The following ORC5 variants were observed in gnomAD, a reference collection of about 807,000 sequenced individuals.
The protein encoded by ORC5 is origin recognition complex subunit 5.
Under a neutral mutation model 58.8 loss-of-function variants are expected in ORC5, and 39 were observed. That is an observed-to-expected ratio of 0.66 (90% confidence interval 0.51 to 0.87). ORC5 has a LOEUF of 0.87. ORC5 is among the 40% of genes least tolerant of loss of function. ORC5 has a pLI of 0.00. For synonymous variants in ORC5, 218 were observed against 177.6 expected, an observed-to-expected ratio of 1.23 and a Z score of -1.81; for missense variants, 493 against 506.3, an observed-to-expected ratio of 0.97 and a Z score of 0.25.
chr7:104,207,917 C>T lies in ORC5; in HGVS notation c.-13G>A. The T allele has an allele frequency of 6.2e-7, 1 of 1,613,756 alleles. No homozygotes were observed. The highest frequency in any genetic ancestry group is 1.3e-5 in the African/African-American group (1 of 75,042). ...CCAAGTGGGGCATTCTGGCAGGCACCACCGCAGAGGCCAGTGCAGCCAGCC... is the reference window on the plus strand; with the variant it reads ...CCAAGTGGGGCATTCTGGCAGGCACTACCGCAGAGGCCAGTGCAGCCAGCC... On this transcript the variant is annotated 5_prime_UTR_variant, in exon 1 of 14. Coordinates refer to ENST00000297431, the MANE Select transcript of ORC5 (RefSeq NM_002553.4).
intron 4 of ORC5, among the ~76,000 whole-genome samples, chr7:104,195,498 C>A (rs1218605751): frequency 6.6e-6 from 1 of 152,188 alleles, no homozygotes; most frequent in African/African-American, 2.4e-5. Context: ...ACCTCCTAGG[C>A]ATAAGTGATC....
chr7:104,204,240 G>T lies in ORC5; in HGVS notation c.73-6C>A. ...GGAAAGCTGAAATGATGTCTCTAAC[G>T]AGAGAAAAGACAAATATGAGGCTGC... is the stretch of plus-strand genomic sequence containing the variant. On this transcript the variant is annotated splice_region_variant and splice_polypyrimidine_tract_variant and intron_variant, in intron 1 of 13. Transcript: ENST00000297431. 6.6e-7 allele frequency: 1 copy of T among 1,517,180 alleles called. No homozygotes were observed. Among genetic ancestry groups the T allele is most frequent in the Non-Finnish European group, 9.1e-7 (1 of 1,100,812 alleles). 94.0% of individuals were successfully genotyped at this position (1,517,180 alleles called of 1,614,324 possible).
chr7:104,183,816 T>C, intron 8 of ORC5, 127 bp downstream of exon 8: 2 of 643,470 alleles, frequency 3.1e-6, no homozygotes, highest in South Asian at 2.2e-5. Flanking sequence ...TGCTTTCCCA[T>C]TGCAATGCCA....
intron 8 of ORC5, among the ~76,000 whole-genome samples, chr7:104,179,094 T>G (rs527413966): frequency 6.8e-6 from 1 of 147,186 alleles, no homozygotes; most frequent in Admixed American, 6.9e-5. Flanking sequence ...AAAAGAAGGT[T>G]AAAAAGAAAA....
At chr7:104,161,527 T>C (rs1036813591) in intron 11 of ORC5, among the ~76,000 whole-genome samples, 1 of 152,066 alleles carries the variant, frequency 6.6e-6, no homozygotes, top group Non-Finnish European at 1.5e-5. Flanking sequence ...CACACCGCAA[T>C]GTTTGGGTAT....
chr7:104,190,311 G>A (rs1267698727), intron 5 of ORC5, among the ~76,000 whole-genome samples: 36 of 151,970 alleles, frequency 2.4e-4, no homozygotes, highest in Non-Finnish European at 8.8e-5. Flanking sequence ...GAAGAAAAAG[G>A]GGATAGTACA....
chr7:104,152,774 TAA>T (rs1798866622), intron 12 of ORC5, among the ~76,000 whole-genome samples: 1 of 152,198 alleles, frequency 6.6e-6, no homozygotes, highest in Admixed American at 6.5e-5. Context: ...GAAGTAACAC[TAA>T]TCTTTGAGAA....
Position 104,138,708 on chromosome 7 carries a change from T to C in ORC5, c.1150-1815A>G, listed in dbSNP as rs562418230. Reference sequence around the variant, plus strand: ...TGTATTTTTTGTAGACATGGGGTTTTGCCATGTTGTCCAGGCTGCTCTTGA... The same window carrying C: ...TGTATTTTTTGTAGACATGGGGTTTCGCCATGTTGTCCAGGCTGCTCTTGA... On this transcript the variant is annotated intron_variant, in intron 12 of 13. Coordinates refer to ENST00000297431, the MANE Select transcript of ORC5 (RefSeq NM_002553.4). This position sits in a 1 kb window ranked among gnomAD's most constrained non-coding sequence, Gnocchi z 4.7. Among the ~76,000 whole-genome samples, 18 of 152,266 alleles carry C rather than the reference T, an allele frequency of 1.2e-4. No homozygotes were observed. In the South Asian group the frequency reaches 1.7e-3, roughly 14 times the overall value.
At chr7:104,202,237 C>G (rs533222487) in intron 2 of ORC5, 3 of 181,602 alleles carry the variant, frequency 1.7e-5, no homozygotes, top group African/African-American at 7.1e-5. Context: ...AAAGCAGATT[C>G]ATTCTGAGGA....
chr7:104,194,631 A>G (rs1191531727), intron 5 of ORC5, among the ~76,000 whole-genome samples: 1 of 152,176 alleles, frequency 6.6e-6, no homozygotes, highest in East Asian at 1.9e-4. Context: ...TTATAAAATC[A>G]AAAGATATAA....
intron 4 of ORC5, among the ~76,000 whole-genome samples, chr7:104,195,810 T>A (rs183886348): frequency 5.9e-5 from 9 of 152,338 alleles, no homozygotes; most frequent in Non-Finnish European, 4.4e-5. Context: ...TCTAAAAGCA[T>A]TTTATAAAAT....
At chr7:104,182,341 CATA>C (rs1799451760) in intron 8 of ORC5, among the ~76,000 whole-genome samples, 1 of 152,182 alleles carries the variant, frequency 6.6e-6, no homozygotes, top group Non-Finnish European at 1.5e-5. Flanking sequence ...GACTCCACAT[CATA>C]ATGAGACTCT....
In ORC5 at chr7:104,133,923, G is replaced by A. The variant is rs1465066976; in HGVS notation, c.1262+2858C>T. ...CTAACAAAGGTTCTGGGAAAGTGGAGGAGATGGAATTCAGAGCATAGGTAG... is the reference window on the plus strand; with the variant it reads ...CTAACAAAGGTTCTGGGAAAGTGGAAGAGATGGAATTCAGAGCATAGGTAG... On this transcript the variant is annotated intron_variant, in intron 13 of 13. Transcript: ENST00000297431. The surrounding 1 kb of genome is among the most constrained non-coding windows in gnomAD (Gnocchi z 4.7). 6.6e-6 allele frequency among the ~76,000 whole-genome samples: 1 copy of A among 152,080 alleles called. No homozygotes were observed. Among genetic ancestry groups the A allele is most frequent in the Non-Finnish European group, 1.5e-5 (1 of 68,026 alleles).
At chr7:104,166,640 G>A in intron 10 of ORC5, 132 bp downstream of exon 10, 1 of 566,032 alleles carries the variant, frequency 1.8e-6, no homozygotes, top group African/African-American at 1.9e-5. Flanking sequence ...AGCCTTTAAA[G>A]AATGAGTCCT....
At chr7:104,161,687 C>T (rs538014014) in intron 11 of ORC5, among the ~76,000 whole-genome samples, 5 of 152,072 alleles carry the variant, frequency 3.3e-5, no homozygotes, top group African/African-American at 1.2e-4. Flanking sequence ...AGCCACCATA[C>T]CCAGCCATGA....
chr7:104,160,431 T>G (rs1184043031), intron 12 of ORC5, among the ~76,000 whole-genome samples: 1 of 152,234 alleles, frequency 6.6e-6, no homozygotes, highest in African/African-American at 2.4e-5. Context: ...TGCTTTTTCT[T>G]CTATCCACTT....
intron 12 of ORC5, among the ~76,000 whole-genome samples, chr7:104,144,046 G>T (rs932706586): frequency 4.6e-5 from 7 of 152,086 alleles, no homozygotes; most frequent in Non-Finnish European, 8.8e-5. Flanking sequence ...TTGAACCCAG[G>T]GGGTGGAGGT....
chr7:104,202,957 G>C (rs567147055), intron 2 of ORC5, among the ~76,000 whole-genome samples: 1 of 152,302 alleles, frequency 6.6e-6, no homozygotes, highest in African/African-American at 2.4e-5. Flanking sequence ...AGCTGAGAAG[G>C]CTAAATATTA....
rs933086430 is a variant in ORC5 at position 104,168,361 on chromosome 7, T to A, written c.877+112A>T. On this transcript the variant is annotated intron_variant, in intron 9 of 13. Transcript: ENST00000297431. ...TAGCATTATAGCTTGAAAAGTAAAT[T>A]CTCTTTTATAACACTATTTCCTGAC... The A allele has an allele frequency of 1.2e-5, 17 of 1,466,074 alleles. No individual in the cohort carries two copies. The South Asian group carries it at 1.8e-4, about 16-fold the overall frequency. The allele number at this position is 1,466,074 out of a possible 1,614,324, so 90.8% of individuals were successfully genotyped here. A position where few individuals can be genotyped will look rare whatever the true frequency, so the allele number is the denominator to read the frequency against.
Sources: gnomAD v4.1 joint callset for allele counts (sites outside exome capture counted in the v4.1 genomes callset) on GRCh38, gnomAD v4.1.1 for gene constraint, Gnocchi (gnomAD v3.1) non-coding constraint, MANE v1.5 for transcripts, NCBI Gene and HGNC (gene_info 2026-07-23, HGNC 2026-07-21) for gene names.